NLGN1: variants seen among roughly 807,000 people sequenced by gnomAD.
NLGN1 encodes neuroligin-1.
NLGN1 carries 12 observed loss-of-function variants against 65.5 expected under a neutral mutation model. The ratio of observed to expected loss-of-function variants is 0.18; its 90% CI spans 0.12 to 0.30. The LOEUF is 0.30. Among genes scored for constraint, NLGN1 ranks in the 10% least tolerant of loss-of-function variants. The probability of loss-of-function intolerance (pLI) is 1.00; values close to 1 mark genes in which losing one functional copy is unlikely to be tolerated. For synonymous variants in NLGN1, 350 were observed against 359.5 expected (o/e 0.97, Z 0.30); for missense variants, 750 against 1,007.1 (o/e 0.74, Z 3.46).
intron 2 of NLGN1, among the ~76,000 whole-genome samples, chr3:173,536,546 G>A (rs1350074079): frequency 6.6e-6 from 1 of 152,116 alleles, no homozygotes; most frequent in Non-Finnish European, 1.5e-5. Flanking sequence ...TGCCAACATG[G>A]CCTCTACTCC....
chr3:173,488,132 TCTTA>T lies in NLGN1; in HGVS notation c.-321+53058_-321+53061del, dbSNP rs563630288. Among the ~76,000 whole-genome samples, 47 of 152,106 alleles carry T rather than the reference TCTTA, an allele frequency of 3.1e-4. No homozygotes were observed. In the East Asian group the frequency reaches 8.5e-3, roughly 27 times the overall value. ...GTGTTAACATTAGATTTTTTAACAC[TCTTA>T]CTTGCCAAAATAATGCTTAACATTA... On this transcript the variant is annotated intron_variant, in intron 2 of 6. Transcript: ENST00000457714.
At chr3:174,087,668 C>A (rs1043360463) in intron 4 of NLGN1, among the ~76,000 whole-genome samples, 3 of 152,040 alleles carry the variant, frequency 2.0e-5, no homozygotes, top group Admixed American at 6.6e-5. Flanking sequence ...ATGTAAAGTT[C>A]TATGCCACAA....
intron 4 of NLGN1, among the ~76,000 whole-genome samples, chr3:173,961,159 A>T (rs531246308): frequency 6.6e-6 from 1 of 152,260 alleles, no homozygotes; most frequent in East Asian, 1.9e-4. Flanking sequence ...CGGAAACATG[A>T]AGTATAGAAT....
intron 4 of NLGN1, among the ~76,000 whole-genome samples, chr3:173,905,878 G>A (rs1291819577): frequency 6.6e-6 from 1 of 152,162 alleles, no homozygotes; most frequent in Non-Finnish European, 1.5e-5. Context: ...CTTGTAGGTA[G>A]TCCCTGAAAT....
intron 4 of NLGN1, among the ~76,000 whole-genome samples, chr3:174,143,273 C>T (rs1159073983): frequency 2.6e-5 from 4 of 152,098 alleles, no homozygotes; most frequent in Non-Finnish European, 5.9e-5. Context: ...TTATGGGCTA[C>T]TGCAGATTTT....
chr3:173,565,086 G>A (rs372145877), intron 2 of NLGN1, among the ~76,000 whole-genome samples: 1 of 152,162 alleles, frequency 6.6e-6, no homozygotes, highest in Non-Finnish European at 1.5e-5. Context: ...GACACAAGGA[G>A]TACGGGGCAA....
At chr3:173,411,308 A>C (rs1203719501) in intron 1 of NLGN1, among the ~76,000 whole-genome samples, 1 of 152,200 alleles carries the variant, frequency 6.6e-6, no homozygotes, top group Admixed American at 6.5e-5. Flanking sequence ...CTTACATTGA[A>C]AGAGTGGTCA....
intron 3 of NLGN1, chr3:173,685,585 T>C: frequency 1.1e-6 from 1 of 918,686 alleles, no homozygotes; most frequent in Non-Finnish European, 1.3e-6. Flanking sequence ...GGAAAAGAGG[T>C]TATTAAAGTT....
At chr3:173,524,117 G>A (rs936786813) in intron 2 of NLGN1, among the ~76,000 whole-genome samples, 15 of 150,866 alleles carry the variant, frequency 9.9e-5, no homozygotes, top group African/African-American at 3.2e-4. Flanking sequence ...TAGTAGACAC[G>A]GGGTTTCACC....
At chr3:173,722,029 C>T (rs115964538) in intron 3 of NLGN1, among the ~76,000 whole-genome samples, 2,459 of 151,704 alleles carry the variant, frequency 0.016, 28 homozygotes, top group Non-Finnish European at 0.027. Context: ...GTGTCTGCTA[C>T]AAAATTGTAA....
chr3:173,782,678 AC>A (rs1181210063), intron 3 of NLGN1, among the ~76,000 whole-genome samples: 1 of 140,172 alleles, frequency 7.1e-6, no homozygotes, highest in Non-Finnish European at 1.5e-5. Flanking sequence ...TTTATTGTGT[AC>A]TCAAAGCTTA....
chr3:173,718,518 A>G (rs528492806), intron 3 of NLGN1, among the ~76,000 whole-genome samples: 5 of 152,206 alleles, frequency 3.3e-5, no homozygotes, highest in Non-Finnish European at 7.4e-5. Flanking sequence ...AATGAGTTTC[A>G]GTTTGTAAAA....
chr3:173,495,106 A>T (rs982010470), intron 2 of NLGN1, among the ~76,000 whole-genome samples: 3 of 151,800 alleles, frequency 2.0e-5, no homozygotes, highest in African/African-American at 7.3e-5. Context: ...TTACTATATT[A>T]ACAGTGTTAA....
chr3:173,527,553 A>G (rs1735858983), intron 2 of NLGN1, among the ~76,000 whole-genome samples: 1 of 151,930 alleles, frequency 6.6e-6, no homozygotes, highest in Non-Finnish European at 1.5e-5. Flanking sequence ...GCCCGCCACC[A>G]CGCCCGGCTA....
intron 2 of NLGN1, among the ~76,000 whole-genome samples, chr3:173,525,202 G>C (rs1345204349): frequency 1.3e-5 from 2 of 151,882 alleles, no homozygotes; most frequent in Non-Finnish European, 2.9e-5. Flanking sequence ...GAGTTTGGCT[G>C]TGAATCTGTC....
At chr3:173,875,928 A>G (rs931669405) in intron 4 of NLGN1, among the ~76,000 whole-genome samples, 1 of 152,194 alleles carries the variant, frequency 6.6e-6, no homozygotes, top group African/African-American at 2.4e-5. Flanking sequence ...ATGCTTACAA[A>G]GAGTTTAGTG....
chr3:173,675,887 T>TCTCTCTCTCTCACACACA (rs756157881), intron 3 of NLGN1, among the ~76,000 whole-genome samples: 168 of 138,624 alleles, frequency 1.2e-3, no homozygotes, highest in Middle Eastern at 7.7e-3. Context: ...TCTCTCTCTC[T>TCTCTCTCTCTCACACACA]CACACACACA....
chr3:173,592,545 C>G (rs1384006856), intron 2 of NLGN1, among the ~76,000 whole-genome samples: 1 of 152,134 alleles, frequency 6.6e-6, no homozygotes, highest in Non-Finnish European at 1.5e-5. Context: ...TCATTTGTTT[C>G]CACCTCTTCT....
chr3:174,270,219 C>G (rs111772931), intron 4 of NLGN1, among the ~76,000 whole-genome samples: 5 of 139,956 alleles, frequency 3.6e-5, no homozygotes, highest in Non-Finnish European at 7.6e-5. Flanking sequence ...GGTTTAATAT[C>G]CAAGAAATCA....
Sources: gnomAD v4.1 joint callset for allele counts (sites outside exome capture counted in the v4.1 genomes callset) on GRCh38, gnomAD v4.1.1 for gene constraint, MANE v1.5 for transcripts, NCBI Gene and HGNC (gene_info 2026-07-23, HGNC 2026-07-21) for gene names.